HDAC9: variants seen among roughly 807,000 people sequenced by gnomAD.
The protein encoded by HDAC9 is MEF-2 interacting transcription repressor (MITR) protein.
Under a neutral mutation model 139.4 loss-of-function variants are expected in HDAC9, and 41 were observed. The ratio of observed to expected loss-of-function variants is 0.29; its 90% CI spans 0.23 to 0.38. HDAC9 has a LOEUF of 0.38. Ranked by LOEUF, HDAC9 falls within the 10% of genes least tolerant of loss-of-function variation. The pLI, the probability that HDAC9 is intolerant of heterozygous loss-of-function variation, is 1.00. For missense variants in HDAC9, 1,147 were observed against 1,297.0 expected (o/e 0.88, Z 1.78); for synonymous variants, 517 against 476.2 (o/e 1.09, Z -1.12).
chr7:18,403,633 G>A (rs1213273484), intron 1 of HDAC9, among the ~76,000 whole-genome samples: 2 of 152,146 alleles, frequency 1.3e-5, no homozygotes, highest in Non-Finnish European at 2.9e-5. Context: ...AAACAAATAC[G>A]TAAATGAACC....
chr7:18,227,381 G>C (rs1655376400), intron 2 of HDAC9, among the ~76,000 whole-genome samples: 2 of 152,106 alleles, frequency 1.3e-5, no homozygotes, highest in South Asian at 4.1e-4. Context: ...AAGTGTTCTG[G>C]TTTATGGGAG....
At chr7:18,632,574 A>G (rs1782665732) in intron 7 of HDAC9, among the ~76,000 whole-genome samples, 1 of 152,088 alleles carries the variant, frequency 6.6e-6, no homozygotes, top group Non-Finnish European at 1.5e-5. Context: ...CTGGAAAAGT[A>G]TTTGGCATGA....
intron 6 of HDAC9, among the ~76,000 whole-genome samples, chr7:18,599,629 C>CT (rs1007757497): frequency 6.6e-6 from 1 of 152,154 alleles, no homozygotes; most frequent in Non-Finnish European, 1.5e-5. Context: ...TAGATTGAAG[C>CT]TTTTTTGGTT....
intron 1 of HDAC9, among the ~76,000 whole-genome samples, chr7:18,354,614 T>A (rs529476867): frequency 6.6e-6 from 1 of 152,282 alleles, no homozygotes; most frequent in East Asian, 1.9e-4. Context: ...ATCAATTGCT[T>A]AGGAGAAAAA....
At chr7:18,868,045 A>T (rs1013599598) in intron 21 of HDAC9, among the ~76,000 whole-genome samples, 1 of 152,144 alleles carries the variant, frequency 6.6e-6, no homozygotes, top group East Asian at 1.9e-4. Flanking sequence ...CTTTGAAATT[A>T]TTATGTTTGT....
chr7:18,484,354 C>T (rs566976603), intron 1 of HDAC9, among the ~76,000 whole-genome samples: 1 of 151,230 alleles, frequency 6.6e-6, no homozygotes, highest in Non-Finnish European at 1.5e-5. Flanking sequence ...AAGTAAATGT[C>T]TATAGGTATT....
At chr7:18,601,660 T>A (rs1055872628) in intron 6 of HDAC9, among the ~76,000 whole-genome samples, 1 of 152,200 alleles carries the variant, frequency 6.6e-6, no homozygotes, top group African/African-American at 2.4e-5. Flanking sequence ...CTATTCCTAA[T>A]TTTCTGAGAG....
intron 14 of HDAC9, among the ~76,000 whole-genome samples, chr7:18,754,894 C>A (rs1474967669): frequency 6.6e-6 from 1 of 152,126 alleles, no homozygotes; most frequent in Non-Finnish European, 1.5e-5. Context: ...TGGTGAAACA[C>A]TTTGGAATGT....
chr7:18,734,070 T>G (rs1786653554), intron 13 of HDAC9, among the ~76,000 whole-genome samples: 1 of 152,220 alleles, frequency 6.6e-6, no homozygotes, highest in Non-Finnish European at 1.5e-5. Context: ...CATTTTACTT[T>G]AAAAATTTAA....
At chr7:18,942,144 G>A (rs1313662327) in intron 23 of HDAC9, among the ~76,000 whole-genome samples, 1 of 151,992 alleles carries the variant, frequency 6.6e-6, no homozygotes, top group Admixed American at 6.6e-5. Context: ...GTGCCCAAAA[G>A]TTTCAATATA....
At chr7:18,455,576 A>G (rs1419540871) in intron 1 of HDAC9, among the ~76,000 whole-genome samples, 1 of 152,152 alleles carries the variant, frequency 6.6e-6, no homozygotes. Context: ...ACATAAATGA[A>G]CGATTTTTAT....
intron 8 of HDAC9, among the ~76,000 whole-genome samples, chr7:18,641,165 C>A (rs1785482770): frequency 6.6e-6 from 1 of 152,002 alleles, no homozygotes; most frequent in Non-Finnish European, 1.5e-5. Flanking sequence ...ATAAATAGCT[C>A]TATTGAGAGG....
chr7:18,668,716 A>G (rs1357139383), intron 12 of HDAC9: 2 of 970,786 alleles, frequency 2.1e-6, no homozygotes, highest in Middle Eastern at 5.2e-4. Context: ...AATCTACTGT[A>G]TTTATTATAA....
At chr7:18,883,159 C>A (rs955897024) in intron 22 of HDAC9, among the ~76,000 whole-genome samples, 1 of 152,124 alleles carries the variant, frequency 6.6e-6, no homozygotes, top group Non-Finnish European at 1.5e-5. Flanking sequence ...GTATGTTCTG[C>A]TCTTAACATT....
At chr7:18,549,873 C>T (rs191024634) in intron 2 of HDAC9, among the ~76,000 whole-genome samples, 22 of 151,688 alleles carry the variant, frequency 1.5e-4, no homozygotes, top group Admixed American at 6.6e-4. Context: ...TTATTCTTTC[C>T]AAAATCATTT....
chr7:18,871,610 C>G (rs558933492), intron 21 of HDAC9, among the ~76,000 whole-genome samples: 51 of 152,164 alleles, frequency 3.4e-4, no homozygotes, highest in Non-Finnish European at 7.2e-4. Flanking sequence ...TAACTTTAAT[C>G]AGAAATCCCA....
At chr7:18,444,812 CT>C (rs1240200350) in intron 1 of HDAC9, among the ~76,000 whole-genome samples, 8 of 152,296 alleles carry the variant, frequency 5.3e-5, no homozygotes, top group Admixed American at 4.6e-4. Flanking sequence ...AAAGTAAGGT[CT>C]TACTAAGCCT....
At chr7:18,385,138 T>C (rs896124355) in intron 1 of HDAC9, among the ~76,000 whole-genome samples, 5 of 152,204 alleles carry the variant, frequency 3.3e-5, no homozygotes, top group Non-Finnish European at 7.3e-5. Context: ...TTCCTTATTA[T>C]AGACATTCGA....
rs62448074 is a variant in HDAC9 at position 18,860,812 on chromosome 7, G to A, written c.2685-13666G>A. ...ACTATAAGGAAGGGTGTATTTTATTGAGCAATCACAGGCAATTTTGAAGGG... is the reference window on the plus strand; with the variant it reads ...ACTATAAGGAAGGGTGTATTTTATTAAGCAATCACAGGCAATTTTGAAGGG... On this transcript the variant is annotated intron_variant, in intron 21 of 25. Transcript: ENST00000686413. 3.4e-3 allele frequency among the ~76,000 whole-genome samples: 517 copies of A among 152,248 alleles called. 1 individual carries two copies. The highest frequency in any genetic ancestry group is 5.4e-3 in the Non-Finnish European group (370 of 68,012).
Sources: gnomAD v4.1 joint callset for allele counts (sites outside exome capture counted in the v4.1 genomes callset) on GRCh38, gnomAD v4.1.1 for gene constraint, MANE v1.5 for transcripts, NCBI Gene and HGNC (gene_info 2026-07-23, HGNC 2026-07-21) for gene names.